The following FCHSD2 variants were observed in gnomAD, a reference collection of about 807,000 sequenced individuals.
The protein encoded by FCHSD2 is FCH and double SH3 domains 2.
In FCHSD2, 38 loss-of-function variants were observed where a neutral mutation model predicts 108.1. The ratio of observed to expected loss-of-function variants is 0.35; its 90% CI spans 0.27 to 0.46. The LOEUF (loss-of-function observed/expected upper bound fraction) is 0.46, where lower values mean the gene tolerates loss of function less well. Ranked by LOEUF, FCHSD2 falls within the 20% of genes least tolerant of loss-of-function variation. The pLI is 1.00. For missense variants in FCHSD2, 751 were observed against 897.8 expected (o/e 0.84, Z 2.09); for synonymous variants, 279 against 314.7 (o/e 0.89, Z 1.20).
At chr11:72,990,291 G>A (rs561171172) in intron 5 of FCHSD2, among the ~76,000 whole-genome samples, 3 of 152,158 alleles carry the variant, frequency 2.0e-5, no homozygotes, top group African/African-American at 7.2e-5. Context: ...TGTGTTATTA[G>A]GCAACATTGC....
intron 8 of FCHSD2, among the ~76,000 whole-genome samples, chr11:72,930,003 G>C (rs1252849766): frequency 1.3e-5 from 2 of 152,160 alleles, no homozygotes. Context: ...GAAACATTTT[G>C]AGAGTGAAGT....
intron 12 of FCHSD2, among the ~76,000 whole-genome samples, chr11:72,878,527 T>TA (rs1855015855): frequency 6.6e-6 from 1 of 152,282 alleles, no homozygotes; most frequent in African/African-American, 2.4e-5. Flanking sequence ...AGGAAAAATA[T>TA]AAGGTGAACA....
At chr11:72,841,398 T>TATG in intron 18 of FCHSD2, 56 bp downstream of exon 18, 1 of 1,386,442 alleles carries the variant, frequency 7.2e-7, no homozygotes, top group South Asian at 1.2e-5. Flanking sequence ...TTCAGGCGAA[T>TATG]ATGTAGGTTT....
chr11:73,107,451 A>T (rs188349089), intron 2 of FCHSD2, among the ~76,000 whole-genome samples: 3 of 152,234 alleles, frequency 2.0e-5, no homozygotes, highest in African/African-American at 7.2e-5. Context: ...ATCACATTAG[A>T]GTAAATGGGG....
At chr11:73,126,009 G>C (rs1359177930) in intron 2 of FCHSD2, among the ~76,000 whole-genome samples, 2 of 151,938 alleles carry the variant, frequency 1.3e-5, no homozygotes, top group Non-Finnish European at 2.9e-5. Flanking sequence ...TTTGACATTA[G>C]GCAAGACTCT....
chr11:72,916,871 T>TA (rs1475069990), intron 9 of FCHSD2, among the ~76,000 whole-genome samples: 2 of 152,160 alleles, frequency 1.3e-5, no homozygotes, highest in Non-Finnish European at 2.9e-5. Flanking sequence ...ATCAAGGTCA[T>TA]AAAGATCTAT....
At chr11:72,848,708 C>T (rs915496310) in intron 14 of FCHSD2, among the ~76,000 whole-genome samples, 4 of 152,112 alleles carry the variant, frequency 2.6e-5, no homozygotes, top group Admixed American at 6.5e-5. Flanking sequence ...GATATGCCAA[C>T]AGAGGGAATG....
intron 3 of FCHSD2, among the ~76,000 whole-genome samples, chr11:73,032,272 G>A (rs1041717658): frequency 6.6e-6 from 1 of 151,914 alleles, no homozygotes; most frequent in African/African-American, 2.4e-5. Flanking sequence ...TCTGTTGCCC[G>A]GGCTGGAGTA....
intron 2 of FCHSD2, among the ~76,000 whole-genome samples, chr11:73,131,812 G>A (rs1056657562): frequency 3.3e-5 from 5 of 151,774 alleles, no homozygotes; most frequent in African/African-American, 4.8e-5. Context: ...ACACAATACC[G>A]TTACTTAGAA....
chr11:72,877,922 C>T (rs1250071196), intron 12 of FCHSD2, among the ~76,000 whole-genome samples: 2 of 152,082 alleles, frequency 1.3e-5, no homozygotes, highest in Non-Finnish European at 2.9e-5. Flanking sequence ...GGGAGGATTG[C>T]TTAAACCTGG....
intron 8 of FCHSD2, among the ~76,000 whole-genome samples, chr11:72,968,682 C>G (rs1213697318): frequency 6.6e-6 from 1 of 152,188 alleles, no homozygotes; most frequent in African/African-American, 2.4e-5. Flanking sequence ...GCCCTGCAAA[C>G]TTTCTCTGTT....
intron 2 of FCHSD2, among the ~76,000 whole-genome samples, chr11:73,090,741 C>CAT (rs1859937459): frequency 1.3e-5 from 2 of 152,062 alleles, no homozygotes; most frequent in African/African-American, 4.8e-5. Context: ...AAACTATGTG[C>CAT]ATATATATAA....
chr11:73,137,604 A>G (rs1325681205), intron 2 of FCHSD2, among the ~76,000 whole-genome samples: 1 of 152,240 alleles, frequency 6.6e-6, no homozygotes. Context: ...ACTTCATCTG[A>G]GGGAGGATGC....
At chr11:73,134,897 T>TGCTGTGGCACTATCTCA (rs1861086744) in intron 2 of FCHSD2, among the ~76,000 whole-genome samples, 1 of 152,134 alleles carries the variant, frequency 6.6e-6, no homozygotes, top group Non-Finnish European at 1.5e-5. Flanking sequence ...CAGGCTGGAG[T>TGCTGTGGCACTATCTCA]GCTGTGGCAC....
intron 5 of FCHSD2, 94 bp downstream of exon 5, chr11:73,000,896 T>C (rs896686961): frequency 1.0e-4 from 112 of 1,095,570 alleles, no homozygotes; most frequent in Non-Finnish European, 1.4e-4. Context: ...TATGGGACCA[T>C]ATAGTTTTAA....
intron 3 of FCHSD2, among the ~76,000 whole-genome samples, chr11:73,028,467 T>C (rs531129217): frequency 6.6e-6 from 1 of 152,234 alleles, no homozygotes; most frequent in Admixed American, 6.5e-5. Context: ...CATTGTATCT[T>C]GGAAGTAACT....
At chr11:72,910,736 G>T (rs911182292) in intron 9 of FCHSD2, among the ~76,000 whole-genome samples, 1 of 150,476 alleles carries the variant, frequency 6.6e-6, no homozygotes, top group Admixed American at 6.7e-5. Flanking sequence ...CTTTGTTCAC[G>T]TGTTTATCTG....
intron 3 of FCHSD2, among the ~76,000 whole-genome samples, chr11:73,072,518 T>C (rs916312225): frequency 9.9e-5 from 15 of 152,106 alleles, no homozygotes; most frequent in Admixed American, 9.2e-4. Flanking sequence ...TCCTTCTATA[T>C]GAATTTCTAA....
intron 5 of FCHSD2, among the ~76,000 whole-genome samples, chr11:72,990,754 C>A (rs545550551): frequency 4.9e-4 from 74 of 152,264 alleles, no homozygotes; most frequent in African/African-American, 1.7e-3. Flanking sequence ...CAAGAGAAAG[C>A]AGGAAAGATC....
Sources: gnomAD v4.1 joint callset for allele counts (sites outside exome capture counted in the v4.1 genomes callset) on GRCh38, gnomAD v4.1.1 for gene constraint, MANE v1.5 for transcripts, NCBI Gene and HGNC (gene_info 2026-07-23, HGNC 2026-07-21) for gene names.